DPP10: variants seen among roughly 807,000 people sequenced by gnomAD.
The protein encoded by DPP10 is inactive dipeptidyl peptidase 10.
Under a neutral mutation model 120.9 loss-of-function variants are expected in DPP10, and 33 were observed. The ratio of observed to expected loss-of-function variants is 0.27; its 90% CI spans 0.21 to 0.37. The LOEUF (loss-of-function observed/expected upper bound fraction) is 0.37, where lower values mean the gene tolerates loss of function less well. DPP10 is among the 10% of genes least tolerant of loss of function. The pLI is 1.00. For missense variants in DPP10, 816 were observed against 942.8 expected (o/e 0.87, Z 1.76); for synonymous variants, 337 against 326.1 (o/e 1.03, Z -0.36).
chr2:115,136,393 T>C (rs2050654172), intron 1 of DPP10, among the ~76,000 whole-genome samples: 1 of 152,204 alleles, frequency 6.6e-6, no homozygotes, highest in Admixed American at 6.5e-5. Context: ...GCAATGTTTC[T>C]CTAGCCTTGA....
chr2:115,796,637 T>C (rs1684563311), intron 19 of DPP10, among the ~76,000 whole-genome samples: 1 of 152,148 alleles, frequency 6.6e-6, no homozygotes, highest in African/African-American at 2.4e-5. Flanking sequence ...TGGATAGGGC[T>C]GAATATTGAT....
chr2:115,736,108 A>G (rs1369466577), intron 8 of DPP10, among the ~76,000 whole-genome samples: 1 of 152,174 alleles, frequency 6.6e-6, no homozygotes, highest in East Asian at 1.9e-4. Flanking sequence ...TTATGACTAT[A>G]TTCCTGGTGG....
At chr2:115,781,097 T>A in intron 16 of DPP10, 102 bp downstream of exon 16, 1 of 1,001,212 alleles carries the variant, frequency 1.0e-6, no homozygotes, top group Non-Finnish European at 1.4e-6. Flanking sequence ...TTCATAATCT[T>A]AATTTATAAA....
Position 115,257,636 on chromosome 2 carries a change from G to C in DPP10, c.61-51603G>C, listed in dbSNP as rs140114005. Among the ~76,000 whole-genome samples the C allele has an allele frequency of 4.7e-3, 714 of 152,282 alleles. 1 individual carries two copies. The highest frequency in any genetic ancestry group is 0.015 in the African/African-American group (629 of 41,564). ...GGATGATATCTGAGCATGATATTTGGAGAGGCCATATATCCAAACTGTGTC... is the reference window on the plus strand; with the variant it reads ...GGATGATATCTGAGCATGATATTTGCAGAGGCCATATATCCAAACTGTGTC... On this transcript the variant is annotated intron_variant, in intron 1 of 25. Coordinates refer to ENST00000410059, the MANE Select transcript of DPP10 (RefSeq NM_020868.6).
intron 3 of DPP10, among the ~76,000 whole-genome samples, chr2:115,409,544 C>T (rs991449821): frequency 1.4e-4 from 22 of 152,254 alleles, no homozygotes; most frequent in East Asian, 5.8e-4. Context: ...GAATCAGGAA[C>T]GCTTTTACAC....
At chr2:114,961,787 G>A (rs1391634416) in intron 1 of DPP10, among the ~76,000 whole-genome samples, 1 of 151,808 alleles carries the variant, frequency 6.6e-6, no homozygotes, top group East Asian at 1.9e-4. Flanking sequence ...AACCCTGTCT[G>A]GACTAAAAAT....
At chr2:115,343,033 A>G (rs1019108864) in intron 2 of DPP10, among the ~76,000 whole-genome samples, 1 of 152,214 alleles carries the variant, frequency 6.6e-6, no homozygotes, top group Admixed American at 6.5e-5. Context: ...GGTCACAAAG[A>G]TGAATTTATA....
intron 1 of DPP10, among the ~76,000 whole-genome samples, chr2:115,286,447 G>A (rs911177215): frequency 7.6e-6 from 1 of 131,698 alleles, no homozygotes; most frequent in African/African-American, 2.9e-5. Context: ...TTGTCAGGTA[G>A]ACTCCAGAGT....
intron 5 of DPP10, among the ~76,000 whole-genome samples, chr2:115,650,985 A>C (rs1313379312): frequency 6.6e-6 from 1 of 152,002 alleles, no homozygotes; most frequent in Non-Finnish European, 1.5e-5. Flanking sequence ...AGCCTTCCCT[A>C]AATCCCCTGA....
At chr2:115,188,947 A>G (rs1014685143) in intron 1 of DPP10, among the ~76,000 whole-genome samples, 1 of 152,216 alleles carries the variant, frequency 6.6e-6, no homozygotes, top group South Asian at 2.1e-4. Context: ...ATCTATACAA[A>G]TGCAATACTT....
At chr2:114,466,743 G>T (rs868109861) in intron 1 of DPP10, among the ~76,000 whole-genome samples, 10 of 152,056 alleles carry the variant, frequency 6.6e-5, no homozygotes, top group African/African-American at 2.2e-4. Context: ...TTGTCTGTTC[G>T]CTTTGAAAAG....
chr2:114,664,389 G>A (rs535806066), intron 1 of DPP10, among the ~76,000 whole-genome samples: 34 of 152,080 alleles, frequency 2.2e-4, no homozygotes, highest in African/African-American at 7.5e-4. Context: ...AACACTTTGG[G>A]AGGCCGAGGC....
chr2:115,116,748 T>C (rs2049528367), intron 1 of DPP10, among the ~76,000 whole-genome samples: 1 of 152,204 alleles, frequency 6.6e-6, no homozygotes, highest in African/African-American at 2.4e-5. Context: ...TCCTAACTAT[T>C]GATCTTATTG....
chr2:115,553,671 A>G (rs561376835), intron 5 of DPP10, among the ~76,000 whole-genome samples: 2 of 152,142 alleles, frequency 1.3e-5, no homozygotes, highest in South Asian at 2.1e-4. Flanking sequence ...CAAATGGCAT[A>G]TTATACTTTA....
chr2:114,963,367 G>A (rs992438434), intron 1 of DPP10, among the ~76,000 whole-genome samples: 2 of 152,026 alleles, frequency 1.3e-5, no homozygotes, highest in Non-Finnish European at 1.5e-5. Flanking sequence ...TTCATAGCAG[G>A]GAAAGTCATA....
intron 5 of DPP10, among the ~76,000 whole-genome samples, chr2:115,620,017 A>T (rs1048723562): frequency 6.6e-6 from 1 of 152,192 alleles, no homozygotes; most frequent in African/African-American, 2.4e-5. Context: ...TTTCATACGT[A>T]GTATGTTGGA....
chr2:115,668,206 T>C (rs1210405839), intron 5 of DPP10, among the ~76,000 whole-genome samples: 1 of 152,054 alleles, frequency 6.6e-6, no homozygotes, highest in African/African-American at 2.4e-5. Flanking sequence ...AGGTGCTGAG[T>C]GCTATGGTTT....
At chr2:115,538,511 A>G (rs1237753796) in intron 5 of DPP10, among the ~76,000 whole-genome samples, 1 of 152,046 alleles carries the variant, frequency 6.6e-6, no homozygotes, top group African/African-American at 2.4e-5. Flanking sequence ...GATAATCTAT[A>G]TAATCAAGAT....
chr2:115,753,605 A>G (rs1010803849), intron 11 of DPP10, among the ~76,000 whole-genome samples: 21 of 152,082 alleles, frequency 1.4e-4, no homozygotes, highest in Non-Finnish European at 1.3e-4. Context: ...TTTTCTCCAT[A>G]TTTTGTCTTT....
Sources: allele counts gnomAD v4.1 joint callset (sites outside exome capture counted in the v4.1 genomes callset), GRCh38; gene constraint gnomAD v4.1.1; transcripts MANE v1.5; gene names NCBI Gene and HGNC (gene_info 2026-07-23, HGNC 2026-07-21).